The following TTC23L variants were observed in gnomAD, a reference collection of about 807,000 sequenced individuals.
TTC23L encodes tetratricopeptide repeat protein 23-like.
Under a neutral mutation model 48.1 loss-of-function variants are expected in TTC23L, and 42 were observed. The ratio of observed to expected loss-of-function variants is 0.87; its 90% CI spans 0.68 to 1.13. The LOEUF (loss-of-function observed/expected upper bound fraction) is 1.13, where lower values mean the gene tolerates loss of function less well. Among genes scored for constraint, TTC23L ranks in the 50% most tolerant of loss-of-function variants. TTC23L has a pLI of 0.00. For synonymous variants in TTC23L, 159 were observed against 157.2 expected, an observed-to-expected ratio of 1.01 and a Z score of -0.09; for missense variants, 391 against 421.0, an observed-to-expected ratio of 0.93 and a Z score of 0.62.
the TTC23L span, chr5:34,914,790 G>A: frequency 6.2e-7 from 1 of 1,614,224 alleles, no homozygotes; most frequent in Non-Finnish European, 8.5e-7. Context: ...TCTCGGAAAT[G>A]AATAGCTTTC....
chr5:34,866,828 C>A, intron 6 of TTC23L, 64 bp from the exon 7 acceptor site: 1 of 1,433,958 alleles, frequency 7.0e-7, no homozygotes. Flanking sequence ...GGAATCAGTT[C>A]CTTTTGTGTC....
chr5:34,859,913 G>A (rs571573371), intron 4 of TTC23L, among the ~76,000 whole-genome samples: 22 of 140,492 alleles, frequency 1.6e-4, no homozygotes, highest in African/African-American at 5.1e-4. Context: ...GCGTGATCTC[G>A]GCTCACTGCA....
chr5:34,842,665 T>C (rs537817483), intron 2 of TTC23L, among the ~76,000 whole-genome samples: 2 of 152,304 alleles, frequency 1.3e-5, no homozygotes, highest in South Asian at 4.2e-4. Flanking sequence ...CAACAGGCTC[T>C]AGATGTCACA....
At chr5:34,861,115 A>T (rs566098103) in intron 4 of TTC23L, 1 of 152,340 alleles carries the variant, frequency 6.6e-6, no homozygotes, top group South Asian at 2.1e-4. Context: ...CTTCAGGTGC[A>T]CACCACCATG....
At chr5:34,880,060 G>A in intron 8 of TTC23L, 121 bp from the exon 9 acceptor site, 1 of 1,233,746 alleles carries the variant, frequency 8.1e-7, no homozygotes, top group Non-Finnish European at 1.1e-6. Flanking sequence ...GAGTCCTTAT[G>A]AGACCTGGCT....
chr5:34,845,680 C>G lies in TTC23L; in HGVS notation c.255+7C>G, dbSNP rs752720485. The G allele has an allele frequency of 3.1e-6, 5 of 1,592,610 alleles. No individual in the cohort carries two copies. In the South Asian group the frequency reaches 5.7e-5, roughly 18 times the overall value. ...GCTGATTAAGGAAAAAATGGTAAAA[C>G]AAAAAACTCACTAAAATTTTGTTTC... is the stretch of plus-strand genomic sequence containing the variant. On this transcript the variant is annotated splice_region_variant and intron_variant, in intron 3 of 10. Transcript: ENST00000505624.
intron 4 of TTC23L, among the ~76,000 whole-genome samples, chr5:34,851,505 A>G (rs183260905): frequency 1.3e-5 from 2 of 152,304 alleles, no homozygotes; most frequent in Admixed American, 1.3e-4. Context: ...TAGGACAGTG[A>G]TGCTGTGGGT....
the TTC23L span, among the ~76,000 whole-genome samples, chr5:34,909,579 G>A: frequency 6.6e-6 from 1 of 152,296 alleles, no homozygotes; most frequent in Non-Finnish European, 1.5e-5. Context: ...AAGGAAAAGG[G>A]TAGGGGACAC....
intron 3 of TTC23L, among the ~76,000 whole-genome samples, chr5:34,848,199 A>G (rs1488793586): frequency 6.6e-6 from 1 of 152,190 alleles, no homozygotes; most frequent in African/African-American, 2.4e-5. Flanking sequence ...TCACTTAACC[A>G]GGAAAAAAAT....
chr5:34,885,737 G>C (rs957016512), intron 9 of TTC23L, among the ~76,000 whole-genome samples: 13 of 86,718 alleles, frequency 1.5e-4, no homozygotes, highest in African/African-American at 4.5e-4. Flanking sequence ...ACAGAGTGAG[G>C]CCCTGTCTAA....
the TTC23L span, chr5:34,907,714 A>G: frequency 1.3e-5 from 2 of 152,212 alleles, no homozygotes; most frequent in Non-Finnish European, 2.9e-5. Context: ...AACCTGTAAC[A>G]CTGAAAATTG....
At chr5:34,851,138 A>G (rs896203674) in intron 4 of TTC23L, among the ~76,000 whole-genome samples, 2 of 152,178 alleles carry the variant, frequency 1.3e-5, no homozygotes, top group African/African-American at 4.8e-5. Context: ...TTTGTACACA[A>G]TATGGTTTGG....
intron 4 of TTC23L, among the ~76,000 whole-genome samples, chr5:34,853,952 T>C (rs1032314208): frequency 6.6e-6 from 1 of 152,226 alleles, no homozygotes; most frequent in Non-Finnish European, 1.5e-5. Flanking sequence ...CAAGGCCAGA[T>C]GCTGCCCTCT....
intron 3 of TTC23L, among the ~76,000 whole-genome samples, chr5:34,847,532 A>G (rs1299581981): frequency 6.6e-6 from 1 of 151,002 alleles, no homozygotes; most frequent in Non-Finnish European, 1.5e-5. Flanking sequence ...CTAGCCCTGA[A>G]GGGCAGGGGA....
the TTC23L span, chr5:34,920,125 A>AT: frequency 3.5e-5 from 11 of 314,736 alleles, no homozygotes; most frequent in Admixed American, 4.2e-4. Context: ...ATTATGTCCC[A>AT]TTTTTTAACC....
At chr5:34,902,699 T>C (rs567970612), downstream of TTC23L, among the ~76,000 whole-genome samples, 1 of 152,268 alleles carries the variant, frequency 6.6e-6, no homozygotes, top group African/African-American at 2.4e-5. Flanking sequence ...AGTTGCCGAC[T>C]AACTCCCAGG....
chr5:34,865,320 C>T (rs1760970703), intron 6 of TTC23L, among the ~76,000 whole-genome samples: 1 of 152,104 alleles, frequency 6.6e-6, no homozygotes, highest in African/African-American at 2.4e-5. Flanking sequence ...GAAATACATG[C>T]GTCATGTCTG....
the TTC23L span, chr5:34,918,601 C>G: frequency 2.0e-6 from 1 of 500,522 alleles, no homozygotes; most frequent in South Asian, 4.5e-5. Context: ...GCCTTTTATC[C>G]TTTCAAGTGC....
chr5:34,860,785 A>T (rs367710089), intron 4 of TTC23L: 8 of 152,112 alleles, frequency 5.3e-5, no homozygotes, highest in African/African-American at 1.9e-4. Context: ...TTCCCCCTAC[A>T]TCTTCTCGAA....
Sources: gnomAD v4.1 joint callset for allele counts (sites outside exome capture counted in the v4.1 genomes callset) on GRCh38, gnomAD v4.1.1 for gene constraint, MANE v1.5 for transcripts, NCBI Gene and HGNC (gene_info 2026-07-23, HGNC 2026-07-21) for gene names.